The following PMS1 variants were observed in gnomAD, a reference collection of about 807,000 sequenced individuals.
The protein encoded by PMS1 is PMS1 homolog 1, mismatch repair system component, also known as PMS1 protein homolog 1.
Under a neutral mutation model 93.1 loss-of-function variants are expected in PMS1, and 79 were observed. The observed-to-expected ratio is 0.85, with a 90% CI of 0.71 to 1.02. The LOEUF is 1.02. Among genes scored for constraint, PMS1 ranks in the 50% least tolerant of loss-of-function variants. PMS1 has a pLI of 0.00. For missense variants in PMS1, 1,064 were observed against 1,085.3 expected (o/e 0.98, Z 0.28); for synonymous variants, 335 against 363.4 (o/e 0.92, Z 0.89).
intron 9 of PMS1, among the ~76,000 whole-genome samples, chr2:189,856,142 C>CT (rs982942715): frequency 8.7e-5 from 13 of 149,992 alleles, no homozygotes; most frequent in African/African-American, 3.0e-4. Context: ...TCTCTTCAGC[C>CT]TTTTTTGTCA....
At chr2:189,865,840 C>G (rs2056611857) in intron 10 of PMS1, among the ~76,000 whole-genome samples, 1 of 151,988 alleles carries the variant, frequency 6.6e-6, no homozygotes, top group South Asian at 2.1e-4. Flanking sequence ...AATTTGTTCC[C>G]TAGGACACAT....
rs796788175 is a variant in PMS1 at position 189,784,492 on chromosome 2, CT to C, written c.-121del. ...ACCCGCTCTGCCGCGCGCGTGCGTG[CT>C]GGGTGCGGGTGCGGGTGCGGGGTTG... On this transcript the variant is annotated 5_prime_UTR_variant, in exon 1 of 13. Transcript: ENST00000441310. 1 of 152,706 alleles carries C rather than the reference CT, an allele frequency of 6.5e-6. No homozygotes were observed. The highest frequency in any genetic ancestry group is 1.9e-4 in the East Asian group (1 of 5,202). The allele number at this position is 152,706 out of a possible 1,614,324, so 9.5% of individuals were successfully genotyped here.
At chr2:189,851,421 T>TACA (rs756882996) in intron 6 of PMS1, among the ~76,000 whole-genome samples, 224 of 152,298 alleles carry the variant, frequency 1.5e-3, no homozygotes, top group Non-Finnish European at 2.2e-3. Context: ...TGGTAAATTA[T>TACA]ACAACCATTT....
chr2:189,801,946 T>C (rs772927721), intron 3 of PMS1, among the ~76,000 whole-genome samples: 1 of 152,228 alleles, frequency 6.6e-6, no homozygotes, highest in Admixed American at 6.5e-5. Flanking sequence ...TTCCACATTT[T>C]GGGGAAATCC....
intron 5 of PMS1, among the ~76,000 whole-genome samples, chr2:189,823,628 G>A (rs1420671894): frequency 2.0e-5 from 3 of 152,068 alleles, no homozygotes; most frequent in Admixed American, 2.0e-4. Context: ...TGTCTGCCGT[G>A]TTGCTCATTT....
Position 189,814,823 on chromosome 2 carries a change from C to T in PMS1, c.419-3194C>T, listed in dbSNP as rs1469332416. On this transcript the variant is annotated intron_variant, in intron 4 of 12. Transcript: ENST00000441310. ...AAAACATACGATACTCTGGGCCAGG[C>T]GCTGTGGCTGACGCCTGTAATCCCA... 5.9e-5 allele frequency among the ~76,000 whole-genome samples: 9 copies of T among 152,110 alleles called. No homozygotes were observed. The East Asian group carries it at 9.6e-4, about 16-fold the overall frequency.
intron 6 of PMS1, among the ~76,000 whole-genome samples, chr2:189,850,504 T>G (rs1429827374): frequency 6.6e-6 from 1 of 151,920 alleles, no homozygotes. Context: ...CACTGGGGAG[T>G]GAAATAAATA....
chr2:189,785,115 A>G (rs2048171967), intron 1 of PMS1, among the ~76,000 whole-genome samples: 1 of 152,160 alleles, frequency 6.6e-6, no homozygotes, highest in African/African-American at 2.4e-5. Context: ...TTGAAATGTA[A>G]TTTCCCTCAC....
intron 11 of PMS1, among the ~76,000 whole-genome samples, chr2:189,870,141 T>G (rs1020061986): frequency 6.6e-6 from 1 of 152,242 alleles, no homozygotes; most frequent in African/African-American, 2.4e-5. Context: ...TATTTATGTT[T>G]TCTTTCTTCA....
At chr2:189,807,033 T>C in intron 4 of PMS1, 1 of 185,738 alleles carries the variant, frequency 5.4e-6, no homozygotes, top group South Asian at 2.0e-4. Flanking sequence ...TAATATTAAA[T>C]TATTGGATTC....
chr2:189,793,804 G>A (rs2049100922), intron 2 of PMS1, among the ~76,000 whole-genome samples: 1 of 152,224 alleles, frequency 6.6e-6, no homozygotes, highest in Non-Finnish European at 1.5e-5. Context: ...CACCTTAAAT[G>A]TGTGGCTCTA....
chr2:189,798,756 G>GTTTTTTTTTTTTTTTTTTTTTTTTTT (rs2049587934), intron 3 of PMS1, among the ~76,000 whole-genome samples: 1 of 125,236 alleles, frequency 8.0e-6, no homozygotes, highest in Non-Finnish European at 1.7e-5. Context: ...ATAAGTATTT[G>GTTTTTTTTTTTTTTTTTTTTTTTTTT]ATTTTTTTTT....
In PMS1 at chr2:189,854,465, A is replaced by G. The variant is rs1291764318; in HGVS notation, c.1193A>G (p.Glu398Gly). Residue 398 changes from glutamate to glycine, a missense_variant, in exon 9 of 13, where the codon GAA becomes GGA. Physicochemically the swap from Glu to Gly is moderately conservative, Grantham distance 98 (BLOSUM62 -2). Coordinates refer to ENST00000441310, the MANE Select transcript of PMS1 (RefSeq NM_000534.5). ...IPFQNDMHND[E>G]SGKNTDDCLN... Reference sequence around the variant, plus strand: ...TTCCAAAATGATATGCATAATGATGAATCTGGAAAAAACACTGATGATTGT... The same window carrying G: ...TTCCAAAATGATATGCATAATGATGGATCTGGAAAAAACACTGATGATTGT... The G allele has an allele frequency of 6.2e-7, 1 of 1,613,284 alleles. No homozygotes were observed. Among genetic ancestry groups the G allele is most frequent in the African/African-American group, 1.3e-5 (1 of 74,904 alleles).
At position 189,854,274 on chromosome 2, in the gene PMS1, G is replaced by T. The variant is rs775595671; in HGVS notation, c.1002G>T (p.Thr334=). The T allele has an allele frequency of 1.9e-5, 31 of 1,592,300 alleles. No individual in the cohort carries two copies. Among genetic ancestry groups the T allele is most frequent in the Non-Finnish European group, 2.6e-5 (30 of 1,170,824 alleles). The change falls in exon 9 of 13, where the codon ACG becomes ACT. Residue 334 remains threonine (T), a synonymous_variant. Transcript: ENST00000441310. ...TAATTGCTCTTGAAAATCTGATGAC[G>T]ACTTGTTATGGACCATTACCTAGTA... ...SVLIALENLM[T]TCYGPLPSTN...
At position 189,814,530 on chromosome 2, in the gene PMS1, C is replaced by T. The variant is rs1485153461; in HGVS notation, c.419-3487C>T. Among the ~76,000 whole-genome samples the T allele has an allele frequency of 5.7e-5, 8 of 140,070 alleles. 1 individual carries two copies. The East Asian group carries it at 1.6e-3, about 29-fold the overall frequency. The allele number at this position is 140,070 out of a possible 152,430, so 91.9% of individuals were successfully genotyped here. On this transcript the variant is annotated intron_variant, in intron 4 of 12. Transcript: ENST00000441310. ...ATGTGTCTTCCATAAATAAATAATT[C>T]AGACAAATACAAACTTTATTACTTT...
chr2:189,808,679 G>C (rs1176993439), intron 4 of PMS1, among the ~76,000 whole-genome samples: 2 of 152,112 alleles, frequency 1.3e-5, no homozygotes, highest in African/African-American at 4.8e-5. Context: ...AGAAATTCCA[G>C]CTCTGGTTTT....
chr2:189,864,681 AAAAAAAATATATATATATATATATATAT>A (rs2056439169), intron 10 of PMS1, among the ~76,000 whole-genome samples: 1 of 44,052 alleles, frequency 2.3e-5, no homozygotes, highest in African/African-American at 9.9e-5. Context: ...AAAAAAAAAA[AAAAAAAATATATATATATATATATATAT>A]ATATATATAT....
At chr2:189,859,488 C>T (rs980927049) in intron 9 of PMS1, among the ~76,000 whole-genome samples, 1 of 152,152 alleles carries the variant, frequency 6.6e-6, no homozygotes, top group Non-Finnish European at 1.5e-5. Flanking sequence ...ACCTATGGAG[C>T]TCTGTGACAG....
At chr2:189,844,654 A>C (rs1682882929) in intron 6 of PMS1, among the ~76,000 whole-genome samples, 1 of 151,144 alleles carries the variant, frequency 6.6e-6, no homozygotes, top group East Asian at 1.9e-4. Flanking sequence ...AAAAAAAAAA[A>C]AAAAAAAAAC....
Sources: allele counts gnomAD v4.1 joint callset (sites outside exome capture counted in the v4.1 genomes callset), GRCh38; gene constraint gnomAD v4.1.1; transcripts MANE v1.5; gene names NCBI Gene and HGNC (gene_info 2026-07-23, HGNC 2026-07-21).